Variants in NKAIN3 observed in about 807,000 individuals in gnomAD.
NKAIN3 encodes the protein sodium/potassium transporting ATPase interacting 3, also known as sodium/potassium-transporting ATPase subunit beta-1-interacting protein 3.
NKAIN3 carries 25 observed loss-of-function variants against 30.2 expected under a neutral mutation model. The ratio of observed to expected loss-of-function variants is 0.83; its 90% CI spans 0.60 to 1.16. NKAIN3 has a LOEUF of 1.16. Ranked by LOEUF, NKAIN3 falls within the 50% of genes most tolerant of loss-of-function variation. NKAIN3 has a pLI of 0.00. For missense variants in NKAIN3, 225 were observed against 254.1 expected (o/e 0.89, Z 0.78); for synonymous variants, 91 against 89.6 (o/e 1.02, Z -0.09).
intron 5 of NKAIN3, among the ~76,000 whole-genome samples, chr8:62,993,422 G>C (rs984112442): frequency 6.6e-6 from 1 of 152,250 alleles, no homozygotes; most frequent in African/African-American, 2.4e-5. Flanking sequence ...CAAACTTTAA[G>C]TTTCCATAGA....
intron 1 of NKAIN3, among the ~76,000 whole-genome samples, chr8:62,342,578 C>G (rs371367556): frequency 6.6e-6 from 1 of 152,054 alleles, no homozygotes; most frequent in Admixed American, 6.6e-5. Flanking sequence ...GGTTGCCTTT[C>G]CAGTGTGGAA....
intron 1 of NKAIN3, among the ~76,000 whole-genome samples, chr8:62,329,754 G>A (rs1344252403): frequency 2.0e-5 from 3 of 152,066 alleles, no homozygotes; most frequent in Non-Finnish European, 4.4e-5. Flanking sequence ...TGGACACTTA[G>A]GTTGATTTCA....
At chr8:62,487,841 C>T (rs1324812007) in intron 1 of NKAIN3, among the ~76,000 whole-genome samples, 1 of 152,082 alleles carries the variant, frequency 6.6e-6, no homozygotes, top group East Asian at 1.9e-4. Flanking sequence ...GTTTCATTGC[C>T]AGCTACAAAT....
chr8:62,704,258 T>A (rs1362254296), intron 3 of NKAIN3, among the ~76,000 whole-genome samples: 1 of 152,200 alleles, frequency 6.6e-6, no homozygotes, highest in Non-Finnish European at 1.5e-5. Context: ...GATTTTAGTT[T>A]ACATTACAAT....
intron 4 of NKAIN3, among the ~76,000 whole-genome samples, chr8:62,908,120 G>A (rs1177523680): frequency 6.6e-6 from 1 of 152,214 alleles, no homozygotes; most frequent in African/African-American, 2.4e-5. Context: ...TGACCCGGAT[G>A]TGAGACATGG....
At chr8:62,289,415 T>C (rs1356076729) in intron 1 of NKAIN3, among the ~76,000 whole-genome samples, 1 of 152,192 alleles carries the variant, frequency 6.6e-6, no homozygotes. Flanking sequence ...GAATTAATTG[T>C]TGTATAAGAT....
At chr8:62,427,625 G>A (rs1366801809) in intron 1 of NKAIN3, among the ~76,000 whole-genome samples, 1 of 151,678 alleles carries the variant, frequency 6.6e-6, no homozygotes, top group Non-Finnish European at 1.5e-5. Context: ...TGCTACCTTA[G>A]GTTCTTCCTA....
chr8:62,583,636 G>T (rs1810371626), intron 2 of NKAIN3, among the ~76,000 whole-genome samples: 1 of 152,194 alleles, frequency 6.6e-6, no homozygotes, highest in African/African-American at 2.4e-5. Flanking sequence ...GCAGAACTGG[G>T]TGTGTACTGG....
chr8:62,352,737 G>A (rs1443178802), intron 1 of NKAIN3, among the ~76,000 whole-genome samples: 2 of 152,102 alleles, frequency 1.3e-5, no homozygotes, highest in Admixed American at 1.3e-4. Flanking sequence ...TGAGGACACT[G>A]TACATCATGT....
chr8:62,441,715 T>C (rs1462988936), intron 1 of NKAIN3, among the ~76,000 whole-genome samples: 1 of 151,992 alleles, frequency 6.6e-6, no homozygotes, highest in Non-Finnish European at 1.5e-5. Flanking sequence ...TTTTATCTAT[T>C]CCTATTATTT....
At chr8:62,589,616 G>C (rs1810587493) in intron 2 of NKAIN3, 98 bp from the exon 3 acceptor site, 1 of 559,690 alleles carries the variant, frequency 1.8e-6, no homozygotes, top group East Asian at 3.0e-5. Context: ...CTTCCCAGAA[G>C]ACAGACTTAT....
At chr8:62,991,723 A>G (rs1241832253) in intron 5 of NKAIN3, among the ~76,000 whole-genome samples, 1 of 152,180 alleles carries the variant, frequency 6.6e-6, no homozygotes, top group Admixed American at 6.5e-5. Flanking sequence ...TATCAGCACT[A>G]ATGGTGCTTG....
At chr8:62,864,827 G>A (rs987415288) in intron 4 of NKAIN3, among the ~76,000 whole-genome samples, 1 of 152,176 alleles carries the variant, frequency 6.6e-6, no homozygotes, top group Non-Finnish European at 1.5e-5. Flanking sequence ...AATGCTTGTT[G>A]GGCGCATAAA....
In NKAIN3 at chr8:62,670,878, A is replaced by AGC. The variant is rs753675994; in HGVS notation, c.274-76053_274-76052dup. Among the ~76,000 whole-genome samples, 311 of 65,306 alleles carry AGC rather than the reference A, an allele frequency of 4.8e-3. 1 individual carries two copies. Among genetic ancestry groups the AGC allele is most frequent in the African/African-American group, 8.9e-3 (159 of 17,912 alleles). The allele number at this position is 65,306 out of a possible 152,430, so 42.8% of individuals were successfully genotyped here. The stretch of plus-strand genomic sequence containing the variant: ...TTTCCTATTTTTATGTACACATACA[A>AGC]GCACACACACACACACACACACACA... On this transcript the variant is annotated intron_variant, in intron 3 of 6. Coordinates refer to ENST00000623646, the MANE Select transcript of NKAIN3 (RefSeq NM_001304533.3).
intron 1 of NKAIN3, among the ~76,000 whole-genome samples, chr8:62,263,100 A>T (rs999702821): frequency 6.6e-6 from 1 of 152,208 alleles, no homozygotes; most frequent in African/African-American, 2.4e-5. Flanking sequence ...TTAGGAAATA[A>T]TATTGTTTTC....
intron 3 of NKAIN3, among the ~76,000 whole-genome samples, chr8:62,729,836 A>T (rs1381415668): frequency 6.6e-6 from 1 of 152,228 alleles, no homozygotes; most frequent in Non-Finnish European, 1.5e-5. Flanking sequence ...CTAAATTTGA[A>T]AATAAACTAC....
chr8:62,872,767 A>G (rs1563605573), intron 4 of NKAIN3, among the ~76,000 whole-genome samples: 1 of 152,240 alleles, frequency 6.6e-6, no homozygotes, highest in Admixed American at 6.5e-5. Context: ...AGCCAAATTA[A>G]GCTTCATAAG....
chr8:62,703,484 T>G (rs1014718861), intron 3 of NKAIN3, among the ~76,000 whole-genome samples: 3 of 152,206 alleles, frequency 2.0e-5, no homozygotes, highest in Non-Finnish European at 4.4e-5. Context: ...TATCAGCTAT[T>G]TAACCAATTT....
chr8:62,951,481 C>T (rs1441702227), intron 5 of NKAIN3, among the ~76,000 whole-genome samples: 2 of 152,136 alleles, frequency 1.3e-5, no homozygotes, highest in Non-Finnish European at 2.9e-5. Context: ...CGGAAAGGAT[C>T]TGAGTTTGTT....
Sources: gnomAD v4.1 joint callset for allele counts (sites outside exome capture counted in the v4.1 genomes callset) on GRCh38, gnomAD v4.1.1 for gene constraint, MANE v1.5 for transcripts, NCBI Gene and HGNC (gene_info 2026-07-23, HGNC 2026-07-21) for gene names.